Variants in MYO9A observed in about 807,000 individuals in gnomAD.
MYO9A encodes the protein myosin IXA, also known as unconventional myosin-IXa.
MYO9A carries 103 observed loss-of-function variants against 293.3 expected under a neutral mutation model. That is an observed-to-expected ratio of 0.35 (90% confidence interval 0.30 to 0.41). The LOEUF (loss-of-function observed/expected upper bound fraction) is 0.41. MYO9A is among the 10% of genes least tolerant of loss of function. The pLI is 1.00. For synonymous variants in MYO9A, 1,001 were observed against 1,035.7 expected, an observed-to-expected ratio of 0.97 and a Z score of 0.64; for missense variants, 2,685 against 3,033.0, an observed-to-expected ratio of 0.89 and a Z score of 2.69.
intron 19 of MYO9A, among the ~76,000 whole-genome samples, chr15:71,906,515 T>C (rs2057645682): frequency 6.6e-6 from 1 of 152,150 alleles, no homozygotes; most frequent in Admixed American, 6.5e-5. Flanking sequence ...CATGTAAGAC[T>C]TGGTAAATTG....
At chr15:72,091,437 A>C (rs2079905803) in intron 1 of MYO9A, among the ~76,000 whole-genome samples, 1 of 152,088 alleles carries the variant, frequency 6.6e-6, no homozygotes, top group Non-Finnish European at 1.5e-5. Context: ...ACATGGCTAA[A>C]ACAGTAGAAA....
rs367664317 is a variant in MYO9A, at chr15:71,847,363, C to T, written c.6837+1482G>A. On this transcript the variant is annotated intron_variant, in intron 39 of 41. Transcript: ENST00000356056. ...CAGGGCGGAACAATTCCTGGATGAA[C>T]GAGAGACAATAATGTAGAGTGGCTG... 2,217 of 409,694 alleles carry T rather than the reference C, an allele frequency of 5.4e-3. 27 individuals carry two copies. Among genetic ancestry groups the T allele is most frequent in the South Asian group, 0.022 (1,273 of 59,128 alleles). 25.4% of individuals were successfully genotyped at this position (409,694 alleles called of 1,614,324 possible). A position where few individuals can be genotyped will look rare whatever the true frequency, so the allele number is the denominator to read the frequency against.
At chr15:71,978,805 G>A (rs753140578) in intron 11 of MYO9A, among the ~76,000 whole-genome samples, 5 of 148,522 alleles carry the variant, frequency 3.4e-5, no homozygotes, top group Non-Finnish European at 6.0e-5. Context: ...AAAAGGTTTT[G>A]AATTCTAAGG....
chr15:71,886,511 T>C (rs887579618), intron 27 of MYO9A, among the ~76,000 whole-genome samples: 2 of 152,126 alleles, frequency 1.3e-5, no homozygotes, highest in African/African-American at 4.8e-5. Context: ...TTGTATCTAG[T>C]AAACTCCAGG....
intron 31 of MYO9A, among the ~76,000 whole-genome samples, chr15:71,876,601 A>T (rs1346681381): frequency 6.6e-6 from 1 of 151,480 alleles, no homozygotes; most frequent in Non-Finnish European, 1.5e-5. Flanking sequence ...ACACCTGGCT[A>T]ATTTTTGTAT....
intron 14 of MYO9A, among the ~76,000 whole-genome samples, chr15:71,956,263 T>C (rs1181620963): frequency 7.2e-6 from 1 of 139,020 alleles, no homozygotes; most frequent in African/African-American, 2.8e-5. Flanking sequence ...TGAACTGTGA[T>C]AGCACCACTG....
intron 1 of MYO9A, among the ~76,000 whole-genome samples, chr15:72,075,171 G>A (rs2079312294): frequency 6.6e-6 from 1 of 151,642 alleles, no homozygotes; most frequent in East Asian, 1.9e-4. Flanking sequence ...TCACCATGTT[G>A]GTCAGGTTGG....
At chr15:72,079,230 C>A (rs780913080) in intron 1 of MYO9A, among the ~76,000 whole-genome samples, 2 of 151,956 alleles carry the variant, frequency 1.3e-5, no homozygotes, top group African/African-American at 4.8e-5. Context: ...AAGGTGATAT[C>A]CGGAAACTCC....
intron 11 of MYO9A, among the ~76,000 whole-genome samples, chr15:71,989,083 T>G (rs754613577): frequency 6.6e-6 from 1 of 152,006 alleles, no homozygotes; most frequent in Non-Finnish European, 1.5e-5. Context: ...TTAGTAGAGA[T>G]GGGGTTTCAC....
In MYO9A at chr15:72,045,719, T is replaced by C; in HGVS notation, c.840+5A>G. 1.9e-6 allele frequency: 3 copies of C among 1,564,102 alleles called. No individual in the cohort carries two copies. Among genetic ancestry groups the C allele is most frequent in the Non-Finnish European group, 2.6e-6 (3 of 1,160,260 alleles). ...AAATCAAAAATAAGATTTCTATATA[T>C]TTACCTCAAGTACTGGTCCAGCTCC... On this transcript the variant is annotated splice_donor_5th_base_variant and intron_variant, in intron 2 of 41. Transcript: ENST00000356056.
intron 8 of MYO9A, among the ~76,000 whole-genome samples, chr15:72,000,290 G>A (rs771327253): frequency 1.4e-4 from 22 of 152,178 alleles, no homozygotes; most frequent in Non-Finnish European, 3.1e-4. Flanking sequence ...AGCACTTCTT[G>A]AATTCCAGAA....
intron 4 of MYO9A, among the ~76,000 whole-genome samples, chr15:72,026,284 A>G (rs2077668499): frequency 7.0e-6 from 1 of 143,414 alleles, no homozygotes; most frequent in Non-Finnish European, 1.5e-5. Context: ...AGAAAAAAAA[A>G]AAAAAAAAAA....
chr15:72,020,079 A>G (rs760313473), intron 5 of MYO9A, among the ~76,000 whole-genome samples: 4 of 152,082 alleles, frequency 2.6e-5, no homozygotes, highest in African/African-American at 4.8e-5. Context: ...AACCCTAAAT[A>G]TATACTGCTA....
chr15:71,973,022 T>C (rs1213287236), intron 12 of MYO9A, among the ~76,000 whole-genome samples: 1 of 152,188 alleles, frequency 6.6e-6, no homozygotes, highest in Non-Finnish European at 1.5e-5. Flanking sequence ...ATTATTGTTA[T>C]TTATAATAGC....
chr15:71,931,033 CA>C (rs1343894663), intron 18 of MYO9A, among the ~76,000 whole-genome samples: 1 of 152,172 alleles, frequency 6.6e-6, no homozygotes, highest in Non-Finnish European at 1.5e-5. Context: ...TGTCCCTTCA[CA>C]AACTATTGTA....
chr15:71,986,048 A>T (rs1364423545), intron 11 of MYO9A, among the ~76,000 whole-genome samples: 1 of 152,252 alleles, frequency 6.6e-6, no homozygotes, highest in Non-Finnish European at 1.5e-5. Context: ...AACAGAAAAC[A>T]TACAATTGGC....
At chr15:72,087,563 A>C (rs1253588136) in intron 1 of MYO9A, among the ~76,000 whole-genome samples, 2 of 152,192 alleles carry the variant, frequency 1.3e-5, no homozygotes. Flanking sequence ...GGCACCAGGA[A>C]CAAGTCCTGG....
Position 71,888,132 on chromosome 15 carries a change from A to T in MYO9A, c.5143-16T>A. 2 of 1,418,070 alleles carry T rather than the reference A, an allele frequency of 1.4e-6. No individual in the cohort carries two copies. Among genetic ancestry groups the T allele is most frequent in the Non-Finnish European group, 2.0e-6 (2 of 1,011,446 alleles). The allele number at this position is 1,418,070 out of a possible 1,614,324, so 87.8% of individuals were successfully genotyped here. A position where few individuals can be genotyped will look rare whatever the true frequency, so the allele number is the denominator to read the frequency against. ...GCTGTGATGTCTGTAATAATTACAT[A>T]TGTGAAAGATTTAATGCCAAGTAAA... On this transcript the variant is annotated splice_polypyrimidine_tract_variant and intron_variant, in intron 26 of 41. Transcript: ENST00000356056.
intron 18 of MYO9A, among the ~76,000 whole-genome samples, chr15:71,925,601 A>G (rs2058290208): frequency 6.6e-6 from 1 of 151,978 alleles, no homozygotes; most frequent in African/African-American, 2.4e-5. Context: ...ACATTTTAAA[A>G]TCTTGTATTT....
Sources: gnomAD v4.1 joint callset for allele counts (sites outside exome capture counted in the v4.1 genomes callset) on GRCh38, gnomAD v4.1.1 for gene constraint, MANE v1.5 for transcripts, NCBI Gene and HGNC (gene_info 2026-07-23, HGNC 2026-07-21) for gene names.